SPON1: variants seen among roughly 807,000 people sequenced by gnomAD.
The protein encoded by SPON1 is spondin-1.
SPON1 carries 52 observed loss-of-function variants against 111.7 expected under a neutral mutation model. That is an observed-to-expected ratio of 0.47 (90% CI 0.37 to 0.59). SPON1 has a LOEUF of 0.59. SPON1 is among the 20% of genes least tolerant of loss of function. The pLI is 0.00. For synonymous variants in SPON1, 410 were observed against 395.8 expected, an observed-to-expected ratio of 1.04 and a Z score of -0.43; for missense variants, 957 against 1,068.5, an observed-to-expected ratio of 0.90 and a Z score of 1.46.
At chr11:14,217,902 T>C (rs1848642022) in intron 6 of SPON1, among the ~76,000 whole-genome samples, 1 of 152,228 alleles carries the variant, frequency 6.6e-6, no homozygotes, top group South Asian at 2.1e-4. Flanking sequence ...TCTAGGTCAA[T>C]GGTTCTCCCT....
intron 4 of SPON1, among the ~76,000 whole-genome samples, chr11:14,078,169 C>T (rs1310215931): frequency 1.3e-5 from 2 of 152,282 alleles, no homozygotes; most frequent in East Asian, 3.9e-4. Context: ...TATTTTCAAA[C>T]TGAAAAATTT....
intron 5 of SPON1, among the ~76,000 whole-genome samples, chr11:14,091,127 G>C (rs939477462): frequency 6.6e-6 from 1 of 152,082 alleles, no homozygotes; most frequent in Non-Finnish European, 1.5e-5. Flanking sequence ...CACCAGAGCA[G>C]CTAGATACAG....
At chr11:14,078,438 G>A (rs553169438) in intron 4 of SPON1, among the ~76,000 whole-genome samples, 3 of 152,208 alleles carry the variant, frequency 2.0e-5, no homozygotes, top group East Asian at 1.9e-4. Context: ...TTTAGAAATC[G>A]TAGAGCTATG....
chr11:14,051,546 AAAAG>A (rs1848707730), intron 3 of SPON1, among the ~76,000 whole-genome samples: 1 of 151,926 alleles, frequency 6.6e-6, no homozygotes, highest in African/African-American at 2.4e-5. Flanking sequence ...AAAAAAAAAA[AAAAG>A]AGAGACAGGG....
intron 6 of SPON1, among the ~76,000 whole-genome samples, chr11:14,240,589 TTG>T (rs56265194): frequency 0.036 from 5,006 of 140,234 alleles, 132 homozygotes; most frequent in East Asian, 0.08. Context: ...AGAAGCAATA[TTG>T]TGTGTGTGTG....
chr11:14,198,348 C>T (rs531467458), intron 6 of SPON1, among the ~76,000 whole-genome samples: 2 of 152,176 alleles, frequency 1.3e-5, no homozygotes, highest in East Asian at 1.9e-4. Flanking sequence ...GCCTTATGAC[C>T]GCTCTCAAAT....
At chr11:14,020,505 G>T (rs1243825834) in intron 2 of SPON1, among the ~76,000 whole-genome samples, 2 of 152,166 alleles carry the variant, frequency 1.3e-5, no homozygotes, top group African/African-American at 4.8e-5. Context: ...TATTAGTTTG[G>T]CACTGTGTGC....
intron 6 of SPON1, among the ~76,000 whole-genome samples, chr11:14,160,811 TTTTTATATATA>T (rs1470255106): frequency 1.8e-5 from 1 of 55,452 alleles, no homozygotes; most frequent in African/African-American, 7.0e-5. Context: ...TTTATATATA[TTTTTATATATA>T]TTTTATATAT....
At chr11:13,978,912 C>T (rs1211960095) in intron 1 of SPON1, among the ~76,000 whole-genome samples, 1 of 152,162 alleles carries the variant, frequency 6.6e-6, no homozygotes, top group Non-Finnish European at 1.5e-5. Context: ...AGCCTGAGGG[C>T]TTCTTGGTCT....
At chr11:14,053,379 T>C (rs1554918824) in intron 3 of SPON1, among the ~76,000 whole-genome samples, 1 of 152,204 alleles carries the variant, frequency 6.6e-6, no homozygotes, top group Non-Finnish European at 1.5e-5. Flanking sequence ...TGATATTTCA[T>C]ATAAATGGAA....
At chr11:14,239,843 A>C (rs535596443) in intron 6 of SPON1, among the ~76,000 whole-genome samples, 1 of 152,240 alleles carries the variant, frequency 6.6e-6, no homozygotes, top group South Asian at 2.1e-4. Flanking sequence ...ATTCATAAAC[A>C]TTAAAAAGAT....
intron 1 of SPON1, among the ~76,000 whole-genome samples, chr11:13,973,902 G>A (rs782126122): frequency 1.3e-5 from 2 of 152,140 alleles, no homozygotes; most frequent in Non-Finnish European, 2.9e-5. Context: ...ATTTAAGTAT[G>A]CATGATCTTC....
chr11:14,098,187 G>A (rs1037057129), intron 5 of SPON1, among the ~76,000 whole-genome samples: 97 of 152,248 alleles, frequency 6.4e-4, no homozygotes, highest in African/African-American at 2.0e-3. Flanking sequence ...TAGTAGAGAC[G>A]GGGTTTCACC....
intron 14 of SPON1, among the ~76,000 whole-genome samples, chr11:14,262,203 A>G (rs1849192732): frequency 6.6e-6 from 1 of 152,148 alleles, no homozygotes; most frequent in African/African-American, 2.4e-5. Context: ...AGAACACAGG[A>G]TGATGTTGAG....
chr11:13,978,382 A>C (rs896267103), intron 1 of SPON1, among the ~76,000 whole-genome samples: 1 of 152,156 alleles, frequency 6.6e-6, no homozygotes, highest in African/African-American at 2.4e-5. Context: ...GTCTAGGAAC[A>C]CTCAAGTAAA....
chr11:14,262,690 A>T (rs1591431746), intron 14 of SPON1, 22 bp from the exon 15 acceptor site: 1 of 1,613,806 alleles, frequency 6.2e-7, no homozygotes, highest in South Asian at 1.1e-5. Context: ...TGATACACTC[A>T]TGCCCATCTG....
intron 3 of SPON1, among the ~76,000 whole-genome samples, chr11:14,069,546 G>A (rs1848859007): frequency 6.6e-6 from 1 of 151,864 alleles, no homozygotes; most frequent in African/African-American, 2.4e-5. Context: ...CCATTATCAT[G>A]TTCCACATTG....
chr11:14,091,797 G>A (rs1455207232), intron 5 of SPON1, among the ~76,000 whole-genome samples: 1 of 152,228 alleles, frequency 6.6e-6, no homozygotes, highest in Non-Finnish European at 1.5e-5. Context: ...GGGGGCTGAA[G>A]GGCTCCTCAA....
chr11:14,163,161 A>G (rs1847987258), intron 6 of SPON1, among the ~76,000 whole-genome samples: 1 of 152,202 alleles, frequency 6.6e-6, no homozygotes, highest in Non-Finnish European at 1.5e-5. Flanking sequence ...GTGTGTTAAC[A>G]AATACCAGAC....
Sources: allele counts gnomAD v4.1 joint callset (sites outside exome capture counted in the v4.1 genomes callset), GRCh38; gene constraint gnomAD v4.1.1; transcripts MANE v1.5; gene names NCBI Gene and HGNC (gene_info 2026-07-23, HGNC 2026-07-21).